The following FRMPD3 variants were observed in gnomAD, a reference collection of about 807,000 sequenced individuals.
FRMPD3 encodes the protein FERM and PDZ domain-containing protein 3.
FRMPD3 carries 42 observed loss-of-function variants against 97.9 expected under a neutral mutation model. The ratio of observed to expected loss-of-function variants is 0.43; its 90% confidence interval spans 0.34 to 0.55. The LOEUF (loss-of-function observed/expected upper bound fraction) is 0.55, where lower values mean the gene tolerates loss of function less well. Among genes scored for constraint, FRMPD3 ranks in the 20% least tolerant of loss-of-function variants. The pLI, the probability that FRMPD3 is intolerant of heterozygous loss-of-function variation, is 0.03. For synonymous variants in FRMPD3, 577 were observed against 581.1 expected, an observed-to-expected ratio of 0.99 and a Z score of 0.10; for missense variants, 1,303 against 1,457.7, an observed-to-expected ratio of 0.89 and a Z score of 1.73.
In FRMPD3 at chrX:107,560,327, C is replaced by T. The variant is rs1272564242; in HGVS notation, c.833C>T (p.Ala278Val). The T allele has an allele frequency of 4.1e-6, 5 of 1,208,707 alleles. No homozygotes were observed. Among genetic ancestry groups the T allele is most frequent in the African/African-American group, 1.7e-5 (1 of 57,341 alleles). Residue 278 changes from alanine to valine, a missense_variant, in exon 9 of 15, where the codon GCG (alanine) becomes GTG (valine). By Grantham distance (64) the Ala-to-Val change is moderately conservative. This residue lies in a region of FRMPD3 where 535 missense variants were observed against 618.6 expected (regional missense o/e 0.86). Transcript: ENST00000683843. ...CCAGAGATGCTTTTGGGCCTTGCTG[C>T]GCTCCACATCTATATCACTGTCTCA... ...PKPEMLLGLA[A>V]LHIYITVSAT...
intron 5 of FRMPD3, among the ~76,000 whole-genome samples, chrX:107,549,048 T>C (rs1202850162): frequency 8.9e-6 from 1 of 111,890 alleles, no homozygotes; most frequent in Non-Finnish European, 1.9e-5. Context: ...GAACAGCTTT[T>C]TTTCTTTCTT....
intron 7 of FRMPD3, among the ~76,000 whole-genome samples, chrX:107,553,815 GT>G (rs1921963509): frequency 1.8e-5 from 2 of 111,657 alleles, no homozygotes; most frequent in Admixed American, 1.9e-4. Flanking sequence ...CAGTTGGTCT[GT>G]TGTTCCAAAT....
intron 1 of FRMPD3, among the ~76,000 whole-genome samples, chrX:107,510,574 G>A (rs1172031511): frequency 4.5e-5 from 5 of 112,153 alleles, no homozygotes; most frequent in Non-Finnish European, 9.4e-5. Flanking sequence ...TGTGCTAATG[G>A]TTCAGCATAG....
intron 1 of FRMPD3, among the ~76,000 whole-genome samples, chrX:107,498,589 A>T (rs2147527451): frequency 8.9e-6 from 1 of 111,982 alleles, no homozygotes; most frequent in Non-Finnish European, 1.9e-5. Flanking sequence ...AGATAGAGGC[A>T]TTGGAGATCC....
At chrX:107,596,473 A>C (rs779556574) in intron 13 of FRMPD3, among the ~76,000 whole-genome samples, 18 of 112,271 alleles carry the variant, frequency 1.6e-4, no homozygotes, top group South Asian at 1.1e-3. Flanking sequence ...GAAGAGCTCC[A>C]AAAACAGTGA....
At chrX:107,575,521 G>A in intron 12 of FRMPD3, among the ~76,000 whole-genome samples, 1 of 110,190 alleles carries the variant, frequency 9.1e-6, no homozygotes, top group South Asian at 3.9e-4. Context: ...CGCCATCTTG[G>A]CTCACTGCAA....
chrX:107,455,391 C>A (rs1484608159), intron 1 of FRMPD3, among the ~76,000 whole-genome samples: 2 of 110,791 alleles, frequency 1.8e-5, no homozygotes, highest in Non-Finnish European at 3.8e-5. Context: ...CCTATTTCTA[C>A]AAAAAACTAA....
intron 12 of FRMPD3, among the ~76,000 whole-genome samples, chrX:107,569,301 A>AG (rs1031617269): frequency 2.8e-5 from 3 of 107,277 alleles, no homozygotes; most frequent in African/African-American, 1.0e-4. Context: ...TCTCAAAAAA[A>AG]AAAAAAAAAA....
chrX:107,455,519 G>A (rs768721598), intron 1 of FRMPD3, among the ~76,000 whole-genome samples: 2 of 111,718 alleles, frequency 1.8e-5, no homozygotes, highest in African/African-American at 3.3e-5. Context: ...AGCTGTGGTC[G>A]CACCAGTGCA....
chrX:107,564,900 C>T lies in FRMPD3; in HGVS notation c.1130C>T (p.Ser377Leu). 6 of 1,210,379 alleles carry T rather than the reference C, an allele frequency of 5.0e-6. No individual in the cohort carries two copies. Among genetic ancestry groups the T allele is most frequent in the Non-Finnish European group, 6.7e-6 (6 of 895,052 alleles). Residue 377 changes from serine to leucine, a missense_variant, in exon 12 of 15, where the codon TCG (serine) becomes TTG (leucine). Physicochemically the swap from Ser to Leu is moderately radical, Grantham distance 145. Around this residue, in one of 3 missense-constraint regions of FRMPD3, gnomAD observed 535 missense variants for 618.6 expected, o/e 0.86. Transcript: ENST00000683843. ...CTTGGGCACCAGGATGAGAAGCAGT[C>T]GGCCACCACGCTCCTGGTGGGACCC... The part of the protein sequence containing the change: ...FNTVGLDEKQ[S>L]ATTLLVGPRH...
rs932065824 is a variant in FRMPD3, at chrX:107,569,754, C to T, written c.1296+4688C>T. On this transcript the variant is annotated intron_variant, in intron 12 of 14. Transcript: ENST00000683843. ...GCTGTGGGCTGGGTGCAGTGGCTCACGCCTGTAATCTAGCACTTTGGGAGG... is the reference window on the plus strand; with the variant it reads ...GCTGTGGGCTGGGTGCAGTGGCTCATGCCTGTAATCTAGCACTTTGGGAGG... Among the ~76,000 whole-genome samples, 3 of 112,252 alleles carry T rather than the reference C, an allele frequency of 2.7e-5. No individual in the cohort carries two copies. In the Admixed American group the frequency reaches 2.8e-4, roughly 11 times the overall value.
At chrX:107,571,624 C>G (rs192184463) in intron 12 of FRMPD3, among the ~76,000 whole-genome samples, 23 of 111,729 alleles carry the variant, frequency 2.1e-4, no homozygotes, top group African/African-American at 7.2e-4. Context: ...CTGAAGTGGT[C>G]AGACAATGAA....
At chrX:107,591,436 C>T (rs1317900084) in intron 13 of FRMPD3, among the ~76,000 whole-genome samples, 1 of 112,220 alleles carries the variant, frequency 8.9e-6, no homozygotes, top group East Asian at 2.8e-4. Flanking sequence ...GGATTACAGG[C>T]GTGAGCCACT....
intron 1 of FRMPD3, among the ~76,000 whole-genome samples, chrX:107,459,511 C>T (rs1931430105): frequency 8.9e-6 from 1 of 112,061 alleles, no homozygotes; most frequent in Non-Finnish European, 1.9e-5. Context: ...AATTGCCTCC[C>T]CCACCAACTT....
chrX:107,496,741 G>A (rs986099860), intron 1 of FRMPD3, among the ~76,000 whole-genome samples: 1 of 111,272 alleles, frequency 9.0e-6, no homozygotes, highest in Non-Finnish European at 1.9e-5. Context: ...AGAGAGCTCC[G>A]CAGCTCTCCC....
chrX:107,532,684 C>T (rs192429284), intron 3 of FRMPD3, among the ~76,000 whole-genome samples: 4 of 112,231 alleles, frequency 3.6e-5, no homozygotes, highest in African/African-American at 1.3e-4. Context: ...TCTTGAGCTG[C>T]GGGCCTTGGC....
rs1216014458 is a variant in FRMPD3 at position 107,549,943 on chromosome X, C to G, written c.403-106C>G. The G allele has an allele frequency of 5.7e-6, 3 of 526,529 alleles. No individual in the cohort carries two copies. In the African/African-American group the frequency reaches 7.0e-5, roughly 12 times the overall value. 43.4% of individuals were successfully genotyped at this position (526,529 alleles called of 1,213,427 possible). ...TCTCTGCCCTCCTACACCTTTGGCT[C>G]TCTGTCTCCATCACCTTTTCTCTCT... is the stretch of plus-strand genomic sequence containing the variant. On this transcript the variant is annotated intron_variant, in intron 5 of 14. Coordinates refer to ENST00000683843, the MANE Select transcript of FRMPD3 (RefSeq NM_001388459.1).
rs780951663 is a variant in FRMPD3, at chrX:107,500,568, C to T, written c.-7-26014C>T. On this transcript the variant is annotated intron_variant, in intron 1 of 14. Coordinates refer to ENST00000683843, the MANE Select transcript of FRMPD3 (RefSeq NM_001388459.1). ...CAGCACTTTGGGAGGCCAAGGCGGG[C>T]GACTCACCTGAGGTCAGGAGTTCAA... is the stretch of plus-strand genomic sequence containing the variant. Among the ~76,000 whole-genome samples the T allele has an allele frequency of 3.8e-4, 42 of 111,143 alleles. No homozygotes were observed. The South Asian group carries it at 0.011, about 30-fold the overall frequency.
At chrX:107,474,262 T>C (rs1921142615) in intron 1 of FRMPD3, among the ~76,000 whole-genome samples, 1 of 111,193 alleles carries the variant, frequency 9.0e-6, no homozygotes, top group South Asian at 3.8e-4. Flanking sequence ...TTATTTACAA[T>C]AGCTGCAGAG....
Sources: allele counts gnomAD v4.1 joint callset (sites outside exome capture counted in the v4.1 genomes callset), GRCh38; gene constraint gnomAD v4.1.1; regional missense constraint gnomAD v4.1.1; transcripts MANE v1.5; gene names NCBI Gene and HGNC (gene_info 2026-07-23, HGNC 2026-07-21).